Variants in IRAK3 observed in about 807,000 individuals in gnomAD.
IRAK3 encodes the protein interleukin-1 receptor-associated kinase 3.
IRAK3 carries 57 observed loss-of-function variants against 56.6 expected under a neutral mutation model. That is an observed-to-expected ratio of 1.01 (90% CI 0.81 to 1.26). The LOEUF (loss-of-function observed/expected upper bound fraction) is 1.26. Among genes scored for constraint, IRAK3 ranks in the 50% most tolerant of loss-of-function variants. IRAK3 has a pLI of 0.00. For synonymous variants in IRAK3, 258 were observed against 255.7 expected (o/e 1.01, Z -0.09); for missense variants, 703 against 719.0 (o/e 0.98, Z 0.25).
At chr12:66,243,666 C>T (rs1039733698) in intron 8 of IRAK3, among the ~76,000 whole-genome samples, 6 of 152,300 alleles carry the variant, frequency 3.9e-5, no homozygotes, top group Non-Finnish European at 8.8e-5. Context: ...GTTCTGTTCT[C>T]CTCATTTCAC....
At chr12:66,232,845 A>G (rs1565809029) in intron 8 of IRAK3, among the ~76,000 whole-genome samples, 1 of 152,204 alleles carries the variant, frequency 6.6e-6, no homozygotes, top group Non-Finnish European at 1.5e-5. Flanking sequence ...AATCTGTGTT[A>G]AACAGTGGCC....
intron 8 of IRAK3, among the ~76,000 whole-genome samples, chr12:66,232,603 C>G (rs1280430235): frequency 1.3e-5 from 2 of 152,128 alleles, no homozygotes; most frequent in African/African-American, 4.8e-5. Flanking sequence ...CCTAGATTAC[C>G]CTCCTGAATC....
At position 66,245,028 on chromosome 12, in the gene IRAK3, C is replaced by T. The variant is rs2053013050; in HGVS notation, c.1149+18C>T. Reference sequence around the variant, plus strand: ...TCCAGCTGGTAAGAATTGTTTTCATCCTGGCACCTATCTCTTGGTCATTTT... The same window carrying T: ...TCCAGCTGGTAAGAATTGTTTTCATTCTGGCACCTATCTCTTGGTCATTTT... On this transcript the variant is annotated intron_variant, in intron 10 of 11. Coordinates refer to ENST00000261233, the MANE Select transcript of IRAK3 (RefSeq NM_007199.3). 1 of 1,613,698 alleles carries T rather than the reference C, an allele frequency of 6.2e-7. No homozygotes were observed. The highest frequency in any genetic ancestry group is 8.5e-7 in the Non-Finnish European group (1 of 1,179,648).
rs2053068544 is a variant in IRAK3 at position 66,249,192 on chromosome 12, C to G, written c.*1021C>G. The G allele has an allele frequency of 6.6e-6, 1 of 151,568 alleles. No individual in the cohort carries two copies. Among genetic ancestry groups the G allele is most frequent in the African/African-American group, 2.4e-5 (1 of 41,138 alleles). The allele number at this position is 151,568 out of a possible 1,614,324, so 9.4% of individuals were successfully genotyped here. A position where few individuals can be genotyped will look rare whatever the true frequency, so the allele number is the denominator to read the frequency against. ...TCTCTTTTTTTTTTTGAGACGGAGT[C>G]TCGCTCTGTCATCCAGGCTGGAGTG... On this transcript the variant is annotated 3_prime_UTR_variant, in exon 12 of 12. Transcript: ENST00000261233.
chr12:66,247,986 A>G lies in IRAK3; in HGVS notation c.1606A>G (p.Ser536Gly). The change falls in exon 12 of 12, where the codon AGT becomes GGT. Residue 536 changes from serine (S) to glycine (G), a missense_variant. Coordinates refer to ENST00000261233, the MANE Select transcript of IRAK3 (RefSeq NM_007199.3). Reference sequence around the variant, plus strand: ...AAATGAGGAAGCTTGCAACATGCCCAGTTCTTCTTGTGAAGAAAGTTGGTT... The same window carrying G: ...AAATGAGGAAGCTTGCAACATGCCCGGTTCTTCTTGTGAAGAAAGTTGGTT... The part of the protein sequence containing the change: ...KRNEEACNMP[S>G]SSCEESWFPK... 6.2e-7 allele frequency: 1 copy of G among 1,606,534 alleles called. No homozygotes were observed. Among genetic ancestry groups the G allele is most frequent in the African/African-American group, 1.3e-5 (1 of 74,434 alleles).
intron 8 of IRAK3, among the ~76,000 whole-genome samples, chr12:66,242,523 G>A (rs948982786): frequency 3.9e-5 from 6 of 152,184 alleles, no homozygotes; most frequent in African/African-American, 4.8e-5. Flanking sequence ...GGGGGTGTGT[G>A]AGGCCCAGGC....
intron 5 of IRAK3, among the ~76,000 whole-genome samples, chr12:66,215,790 A>ACGTGCGCGCGCG (rs1225435769): frequency 0.028 from 2,895 of 103,044 alleles, 52 homozygotes; most frequent in South Asian, 0.035. Flanking sequence ...CAACATGCAC[A>ACGTGCGCGCGCG]CACACACACA....
chr12:66,231,023 G>C (rs2052838613), intron 8 of IRAK3, among the ~76,000 whole-genome samples: 1 of 152,162 alleles, frequency 6.6e-6, no homozygotes, highest in African/African-American at 2.4e-5. Flanking sequence ...TTGACAAAGA[G>C]CACACACATC....
chr12:66,211,135 C>A (rs1173173797), intron 4 of IRAK3, among the ~76,000 whole-genome samples: 1 of 152,186 alleles, frequency 6.6e-6, no homozygotes, highest in East Asian at 1.9e-4. Flanking sequence ...TCAACAGCAA[C>A]ACATTGACCT....
chr12:66,245,937 G>A (rs865793253), intron 11 of IRAK3, among the ~76,000 whole-genome samples: 2 of 151,886 alleles, frequency 1.3e-5, no homozygotes, highest in South Asian at 4.2e-4. Flanking sequence ...AACAAATAAT[G>A]CCTACTCTGT....
At chr12:66,203,137 TGAG>T (rs1429135343) in intron 1 of IRAK3, among the ~76,000 whole-genome samples, 2 of 152,154 alleles carry the variant, frequency 1.3e-5, no homozygotes, top group African/African-American at 4.8e-5. Context: ...GGCCCAAATC[TGAG>T]GAGAAGCAGA....
chr12:66,243,842 G>A (rs139475879), intron 8 of IRAK3, among the ~76,000 whole-genome samples: 141 of 152,270 alleles, frequency 9.3e-4, no homozygotes, highest in African/African-American at 3.3e-3. Context: ...GTAAAAGTAA[G>A]CCAATGCCTA....
rs76169152 is a variant in IRAK3 at position 66,243,437 on chromosome 12, G to A, written c.888-1049G>A. Among the ~76,000 whole-genome samples the A allele has an allele frequency of 7.0e-4, 107 of 152,330 alleles. 1 individual carries two copies. The East Asian group carries it at 0.02, about 28-fold the overall frequency. On this transcript the variant is annotated intron_variant, in intron 8 of 11. Coordinates refer to ENST00000261233, the MANE Select transcript of IRAK3 (RefSeq NM_007199.3). ...CTCTTGGCATTTTGGATGGGAAGGT[G>A]TACTATTAGATGCTTTGGTTTCAGG...
intron 5 of IRAK3, among the ~76,000 whole-genome samples, chr12:66,215,200 A>G (rs551677256): frequency 3.3e-5 from 5 of 152,022 alleles, no homozygotes; most frequent in African/African-American, 4.8e-5. Flanking sequence ...CCTGGCCCCA[A>G]TTCGTACATT....
intron 1 of IRAK3, among the ~76,000 whole-genome samples, chr12:66,203,091 GATAA>G (rs1482781940): frequency 6.6e-6 from 1 of 152,082 alleles, no homozygotes; most frequent in Non-Finnish European, 1.5e-5. Flanking sequence ...TAATAATTGT[GATAA>G]ATAAGATCCA....
intron 1 of IRAK3, among the ~76,000 whole-genome samples, chr12:66,201,369 C>CT (rs2052505999): frequency 6.6e-6 from 1 of 152,084 alleles, no homozygotes; most frequent in Admixed American, 6.6e-5. Context: ...CCGTGACCAC[C>CT]TTCAGATAAC....
intron 1 of IRAK3, among the ~76,000 whole-genome samples, chr12:66,192,408 C>T (rs1005919183): frequency 2.6e-5 from 4 of 152,064 alleles, no homozygotes; most frequent in Admixed American, 6.6e-5. Flanking sequence ...ATGTTGTTTA[C>T]GTTACAGACA....
intron 1 of IRAK3, among the ~76,000 whole-genome samples, chr12:66,191,269 T>C (rs2052396254): frequency 7.1e-6 from 1 of 140,898 alleles, no homozygotes; most frequent in Non-Finnish European, 1.6e-5. Flanking sequence ...GGAGCAAAAA[T>C]TGAGGAAGTG....
rs2053089117 is a variant in IRAK3 at position 66,250,608 on chromosome 12, G to C, written c.*2437G>C. The C allele has an allele frequency of 6.6e-6, 1 of 152,224 alleles. No homozygotes were observed. Among genetic ancestry groups the C allele is most frequent in the African/African-American group, 2.4e-5 (1 of 41,456 alleles). 9.4% of individuals were successfully genotyped at this position (152,224 alleles called of 1,614,324 possible). On this transcript the variant is annotated 3_prime_UTR_variant, in exon 12 of 12. Transcript: ENST00000261233. Reference sequence around the variant, plus strand: ...AAAGAGATCATCAAGAATTGACTCTGTGTTAAACTGTTTTTCACTTAGAAT... The same window carrying C: ...AAAGAGATCATCAAGAATTGACTCTCTGTTAAACTGTTTTTCACTTAGAAT...
Sources: allele counts gnomAD v4.1 joint callset (sites outside exome capture counted in the v4.1 genomes callset), GRCh38; gene constraint gnomAD v4.1.1; transcripts MANE v1.5; gene names NCBI Gene and HGNC (gene_info 2026-07-23, HGNC 2026-07-21).